Variants in SLC15A5 observed in about 807,000 individuals in gnomAD.
SLC15A5 encodes the protein solute carrier family 15 member 5.
Under a neutral mutation model 56.1 loss-of-function variants are expected in SLC15A5, and 58 were observed. That is an observed-to-expected ratio of 1.03 (90% CI 0.84 to 1.29). The LOEUF (loss-of-function observed/expected upper bound fraction) is 1.29, where lower values mean the gene tolerates loss of function less well. SLC15A5 is among the 50% of genes most tolerant of loss of function. SLC15A5 has a pLI of 0.00. For synonymous variants in SLC15A5, 264 were observed against 250.5 expected, an observed-to-expected ratio of 1.05 and a Z score of -0.51; for missense variants, 681 against 672.1, an observed-to-expected ratio of 1.01 and a Z score of -0.15.
chr12:16,218,099 A>G (rs1206955096), intron 6 of SLC15A5, among the ~76,000 whole-genome samples: 1 of 152,156 alleles, frequency 6.6e-6, no homozygotes, highest in African/African-American at 2.4e-5. Context: ...TTATACAACC[A>G]GAAGGAAAAA....
At chr12:16,223,774 G>A (rs926371269) in intron 6 of SLC15A5, among the ~76,000 whole-genome samples, 8 of 151,700 alleles carry the variant, frequency 5.3e-5, no homozygotes, top group Non-Finnish European at 8.8e-5. Flanking sequence ...GGAGTGCAGC[G>A]GCACAATCTC....
chr12:16,212,933 A>G (rs924750625), intron 7 of SLC15A5, among the ~76,000 whole-genome samples: 1 of 152,178 alleles, frequency 6.6e-6, no homozygotes, highest in African/African-American at 2.4e-5. Context: ...CTGAGCTGAA[A>G]GCAACTCCTG....
At chr12:16,203,702 C>T (rs1339163102) in intron 7 of SLC15A5, among the ~76,000 whole-genome samples, 5 of 152,024 alleles carry the variant, frequency 3.3e-5, no homozygotes, top group Non-Finnish European at 4.4e-5. Context: ...ACCATTGCCC[C>T]GTAAGCTCTG....
chr12:16,232,416 A>G (rs984486507), intron 5 of SLC15A5, among the ~76,000 whole-genome samples: 1 of 152,192 alleles, frequency 6.6e-6, no homozygotes, highest in African/African-American at 2.4e-5. Context: ...GTTCAAAAGG[A>G]AATACAAAGA....
chr12:16,216,926 G>C lies in SLC15A5; in HGVS notation c.1450C>G (p.Leu484Val), dbSNP rs917810536. 6 of 1,536,774 alleles carry C rather than the reference G, an allele frequency of 3.9e-6. No individual in the cohort carries two copies. The Middle Eastern group carries it at 5.0e-4, about 128-fold the overall frequency. ...ATGAGATATACCAACTTCACCAGCAGTGCCCCTGTGAAACAGCCAAATCCA... is the reference window on the plus strand; with the variant it reads ...ATGAGATATACCAACTTCACCAGCACTGCCCCTGTGAAACAGCCAAATCCA... ...FNGFGCFTGA[L>V]LVKLVYLISD... The change falls in exon 7 of 9, where the codon CTG (leucine) becomes GTG (valine). Residue 484 changes from leucine (L) to valine (V), a missense_variant. Physicochemically the swap from Leu to Val is conservative, Grantham distance 32 (BLOSUM62 1). Transcript: ENST00000344941.
chr12:16,236,105 CA>C (rs1349607044), intron 5 of SLC15A5, among the ~76,000 whole-genome samples: 4 of 152,114 alleles, frequency 2.6e-5, no homozygotes, highest in Non-Finnish European at 5.9e-5. Context: ...GCCTTAATAA[CA>C]ATCTTAATTA....
rs945512203 is a variant in SLC15A5, at chr12:16,271,314, A to T, written c.584+1247T>A. Among the ~76,000 whole-genome samples, 1 of 152,204 alleles carries T rather than the reference A, an allele frequency of 6.6e-6. No homozygotes were observed. Among genetic ancestry groups the T allele is most frequent in the Admixed American group, 6.6e-5 (1 of 15,264 alleles). On this transcript the variant is annotated intron_variant, in intron 2 of 8. Coordinates refer to ENST00000344941, the MANE Select transcript of SLC15A5 (RefSeq NM_001170798.1). The surrounding 1 kb of genome is among the most constrained non-coding windows in gnomAD (Gnocchi z 8.0). Reference sequence around the variant, plus strand: ...CCAGAGCTATCTTTCAGAACAACTGATTGCTCTCCAGTCTTAATCCTCCAG... The same window carrying T: ...CCAGAGCTATCTTTCAGAACAACTGTTTGCTCTCCAGTCTTAATCCTCCAG...
intron 3 of SLC15A5, 36 bp downstream of exon 3, chr12:16,257,665 A>G: frequency 7.3e-7 from 1 of 1,367,938 alleles, no homozygotes; most frequent in Non-Finnish European, 9.4e-7. Context: ...AAAACAATAT[A>G]AACCCAGAAA....
At chr12:16,248,130 A>T (rs1305644735) in intron 3 of SLC15A5, among the ~76,000 whole-genome samples, 3 of 152,104 alleles carry the variant, frequency 2.0e-5, no homozygotes, top group Non-Finnish European at 4.4e-5. Flanking sequence ...GAGGGAGAAA[A>T]CAAGAAGCTG....
At chr12:16,193,825 GA>G (rs1565654517) in intron 8 of SLC15A5, among the ~76,000 whole-genome samples, 11 of 123,106 alleles carry the variant, frequency 8.9e-5, no homozygotes, top group African/African-American at 3.2e-4. Context: ...GAGAGAGAGA[GA>G]GAGAGAGAGA....
At chr12:16,258,611 T>C (rs963071380) in intron 2 of SLC15A5, among the ~76,000 whole-genome samples, 6 of 151,482 alleles carry the variant, frequency 4.0e-5, no homozygotes, top group Admixed American at 2.6e-4. Context: ...ATATATAACT[T>C]ATATACATAT....
At position 16,216,751 on chromosome 12, in the gene SLC15A5, C is replaced by A. The variant is rs568179925; in HGVS notation, c.1483+142G>T. On this transcript the variant is annotated intron_variant, in intron 7 of 8. Coordinates refer to ENST00000344941, the MANE Select transcript of SLC15A5 (RefSeq NM_001170798.1). ...TAATGAATACAGCAAGAGTGTATTT[C>A]CTATCTTAATTCTATCTTAATTGCA... is the stretch of plus-strand genomic sequence containing the variant. 36 of 702,514 alleles carry A rather than the reference C, an allele frequency of 5.1e-5. No homozygotes were observed. The South Asian group carries it at 7.4e-4, about 14-fold the overall frequency. The allele number at this position is 702,514 out of a possible 1,614,324, so 43.5% of individuals were successfully genotyped here. A position where few individuals can be genotyped will look rare whatever the true frequency, so the allele number is the denominator to read the frequency against.
In SLC15A5 at chr12:16,217,037, GA is replaced by G. The variant is rs1347944393; in HGVS notation, c.1352-14del. 6.5e-7 allele frequency: 1 copy of G among 1,528,738 alleles called. No individual in the cohort carries two copies. Among genetic ancestry groups the G allele is most frequent in the Non-Finnish European group, 8.7e-7 (1 of 1,144,396 alleles). The allele number at this position is 1,528,738 out of a possible 1,614,324, so 94.7% of individuals were successfully genotyped here. A position where few individuals can be genotyped will look rare whatever the true frequency, so the allele number is the denominator to read the frequency against. On this transcript the variant is annotated splice_polypyrimidine_tract_variant and intron_variant, in intron 6 of 8. Transcript: ENST00000344941. Reference sequence around the variant, plus strand: ...GATATTACAGAGACTGAGAGAAAAAGAGAGGTCAGAATTTAGAACTTTCTCC... The same window carrying G: ...GATATTACAGAGACTGAGAGAAAAAGGAGGTCAGAATTTAGAACTTTCTCC...
At position 16,272,729 on chromosome 12, in the gene SLC15A5, G is replaced by A. The variant is rs372591945; in HGVS notation, c.416C>T (p.Thr139Ile). 2.0e-6 allele frequency: 3 copies of A among 1,537,230 alleles called. No individual in the cohort carries two copies. Among genetic ancestry groups the A allele is most frequent in the Non-Finnish European group, 2.6e-6 (3 of 1,146,756 alleles). The stretch of plus-strand genomic sequence containing the variant: ...TGGTATGTTGTTAACTGCATGGTAA[G>A]TGCCCAGATAGAAATCTTCCAAGGG... ...AFPLEDFYLG[T>I]YHAVNNIPKT... The change falls in exon 2 of 9, where the codon ACT (threonine) becomes ATT (isoleucine). Residue 139 changes from threonine (T) to isoleucine (I), a missense_variant. By Grantham distance (89) the Thr-to-Ile change is moderately conservative. Transcript: ENST00000344941.
chr12:16,231,707 A>C (rs1478201895), intron 5 of SLC15A5, among the ~76,000 whole-genome samples: 1 of 152,176 alleles, frequency 6.6e-6, no homozygotes, highest in Non-Finnish European at 1.5e-5. Context: ...TACTTTTCAG[A>C]ATTTAAATAG....
chr12:16,253,474 C>T (rs539989617), intron 3 of SLC15A5, among the ~76,000 whole-genome samples: 1 of 151,966 alleles, frequency 6.6e-6, no homozygotes, highest in African/African-American at 2.4e-5. Context: ...TAAAAAATGA[C>T]CAAAGGACTT....
At chr12:16,227,408 G>A (rs77329423) in intron 5 of SLC15A5, among the ~76,000 whole-genome samples, 40 of 152,224 alleles carry the variant, frequency 2.6e-4, no homozygotes, top group East Asian at 5.8e-4. Context: ...GCTCAGCACC[G>A]TGGGGGATAA....
intron 2 of SLC15A5, among the ~76,000 whole-genome samples, chr12:16,263,734 G>A (rs1401578939): frequency 6.6e-6 from 1 of 152,106 alleles, no homozygotes; most frequent in Admixed American, 6.5e-5. Flanking sequence ...TGTCCCAGCT[G>A]CTCCAGCCAT....
chr12:16,240,745 A>G lies in SLC15A5; in HGVS notation c.976-878T>C, dbSNP rs144313589. Reference sequence around the variant, plus strand: ...GAACCAAGGGATGATGTCACATGAAAGAGGTGTCTCTTCACTTTTCTAGTA... The same window carrying G: ...GAACCAAGGGATGATGTCACATGAAGGAGGTGTCTCTTCACTTTTCTAGTA... On this transcript the variant is annotated intron_variant, in intron 4 of 8. Transcript: ENST00000344941. Among the ~76,000 whole-genome samples, 153 of 152,312 alleles carry G rather than the reference A, an allele frequency of 1.0e-3. 3 individuals carry two copies. In the East Asian group the frequency reaches 0.028, roughly 27 times the overall value.
Sources: allele counts gnomAD v4.1 joint callset (sites outside exome capture counted in the v4.1 genomes callset), GRCh38; gene constraint gnomAD v4.1.1; non-coding constraint Gnocchi (gnomAD v3.1); transcripts MANE v1.5; gene names NCBI Gene and HGNC (gene_info 2026-07-23, HGNC 2026-07-21).